Variants in PRUNE2 observed in about 807,000 individuals in gnomAD.
PRUNE2 encodes the protein prune homolog 2 with BCH domain.
In PRUNE2, 164 loss-of-function variants were observed where a neutral mutation model predicts 252.0. The ratio of observed to expected loss-of-function variants is 0.65; its 90% CI spans 0.57 to 0.74. The LOEUF is 0.74. Ranked by LOEUF, PRUNE2 falls within the 30% of genes least tolerant of loss-of-function variation. The pLI is 0.00. For missense variants in PRUNE2, 3,495 were observed against 3,711.0 expected, an observed-to-expected ratio of 0.94 and a Z score of 1.51; for synonymous variants, 1,292 against 1,350.2, an observed-to-expected ratio of 0.96 and a Z score of 0.94.
At chr9:76,644,050 G>A (rs1213905453) in intron 12 of PRUNE2, among the ~76,000 whole-genome samples, 1 of 152,128 alleles carries the variant, frequency 6.6e-6, no homozygotes, top group Non-Finnish European at 1.5e-5. Flanking sequence ...AGTTGACAAT[G>A]TTAAATGTGT....
chr9:76,678,858 AAT>A (rs1224397982), intron 9 of PRUNE2, among the ~76,000 whole-genome samples: 1 of 152,124 alleles, frequency 6.6e-6, no homozygotes, highest in Non-Finnish European at 1.5e-5. Flanking sequence ...AAAATAAATA[AAT>A]AAAGTCCTTC....
At chr9:76,752,787 C>T (rs556004732) in intron 6 of PRUNE2, among the ~76,000 whole-genome samples, 5 of 152,218 alleles carry the variant, frequency 3.3e-5, no homozygotes, top group South Asian at 4.2e-4. Flanking sequence ...AGCAAGACTA[C>T]GTGCTTTAAA....
chr9:76,754,278 G>A (rs1589031345), intron 6 of PRUNE2, among the ~76,000 whole-genome samples: 1 of 152,248 alleles, frequency 6.6e-6, no homozygotes, highest in South Asian at 2.1e-4. Context: ...TGGGGGTGGG[G>A]TGGGGAAGCA....
chr9:76,615,999 A>C (rs1185456914), intron 18 of PRUNE2, among the ~76,000 whole-genome samples: 2 of 151,256 alleles, frequency 1.3e-5, no homozygotes, highest in African/African-American at 4.9e-5. Context: ...CGATCTCTTG[A>C]CCTCGTGATC....
chr9:76,839,934 G>A (rs186256682), intron 4 of PRUNE2, among the ~76,000 whole-genome samples: 2 of 152,288 alleles, frequency 1.3e-5, no homozygotes, highest in Non-Finnish European at 2.9e-5. Flanking sequence ...CTGAAATGAA[G>A]AAATTGGAAT....
intron 9 of PRUNE2, among the ~76,000 whole-genome samples, chr9:76,698,836 A>G (rs2045629712): frequency 6.6e-6 from 1 of 152,210 alleles, no homozygotes; most frequent in Admixed American, 6.5e-5. Context: ...ACTAATTTAA[A>G]AAGAAAAGAT....
intron 9 of PRUNE2, chr9:76,687,547 G>T: frequency 3.9e-6 from 1 of 253,198 alleles, no homozygotes. Flanking sequence ...ACCATATCAA[G>T]ATTGTTCTAG....
intron 9 of PRUNE2, among the ~76,000 whole-genome samples, chr9:76,700,809 T>A (rs1446593302): frequency 6.6e-6 from 1 of 152,054 alleles, no homozygotes; most frequent in African/African-American, 2.4e-5. Context: ...AACAGATATC[T>A]CTCCTCTTAT....
rs767607795 is a variant in PRUNE2 at position 76,709,394 on chromosome 9, A to G, written c.2880T>C (p.Pro960=). The change falls in exon 8 of 19, where the codon CCT becomes CCC. Residue 960 remains proline, a synonymous_variant. Coordinates refer to ENST00000376718, the MANE Select transcript of PRUNE2 (RefSeq NM_015225.3). ...TGGAATAATTGGTATCTAAGGGGGA[A>G]GGCACCGAATCTTCTCCTAGGTTGG... is the stretch of plus-strand genomic sequence containing the variant. ...SASNLGEDSV[P]SPLDTNYSTS... 1 of 1,614,036 alleles carries G rather than the reference A, an allele frequency of 6.2e-7. No individual in the cohort carries two copies. Among genetic ancestry groups the G allele is most frequent in the East Asian group, 2.2e-5 (1 of 44,894 alleles).
At chr9:76,671,595 T>G (rs2041487298) in intron 9 of PRUNE2, among the ~76,000 whole-genome samples, 1 of 151,894 alleles carries the variant, frequency 6.6e-6, no homozygotes, top group South Asian at 2.1e-4. Flanking sequence ...CCAAGACACA[T>G]AATTGTCAGA....
chr9:76,619,151 A>T (rs1830998818), intron 18 of PRUNE2, among the ~76,000 whole-genome samples, 189 bp downstream of exon 18: 1 of 152,216 alleles, frequency 6.6e-6, no homozygotes, highest in Non-Finnish European at 1.5e-5. Flanking sequence ...TAGAAATTTA[A>T]GGGGTGATCG....
rs886274315 is a variant in PRUNE2, at chr9:76,805,073, A to C, written c.756+18559T>G. Reference sequence around the variant, plus strand: ...TGATCTTGTGGGACATCTGAGTCTCAGCCCCCAAAGTTCTCACTTCTGACA... The same window carrying C: ...TGATCTTGTGGGACATCTGAGTCTCCGCCCCCAAAGTTCTCACTTCTGACA... On this transcript the variant is annotated intron_variant, in intron 6 of 18. Coordinates refer to ENST00000376718, the MANE Select transcript of PRUNE2 (RefSeq NM_015225.3). Among the ~76,000 whole-genome samples, 33 of 152,158 alleles carry C rather than the reference A, an allele frequency of 2.2e-4. 1 individual carries two copies. The highest frequency in any genetic ancestry group is 7.7e-4 in the African/African-American group (32 of 41,438).
chr9:76,769,147 A>G (rs1031500902), intron 6 of PRUNE2, among the ~76,000 whole-genome samples: 5 of 152,148 alleles, frequency 3.3e-5, no homozygotes, highest in Admixed American at 2.6e-4. Flanking sequence ...GTTGGATCTT[A>G]TTGCTTTGCT....
At chr9:76,768,597 G>GTGTGTC (rs1554757169) in intron 6 of PRUNE2, among the ~76,000 whole-genome samples, 2 of 148,516 alleles carry the variant, frequency 1.3e-5, no homozygotes, top group African/African-American at 5.2e-5. Flanking sequence ...GTGTGTGTGT[G>GTGTGTC]TGTGTGTGTG....
chr9:76,878,642 A>AGTGCAGTGGTG (rs2061593927), intron 1 of PRUNE2, among the ~76,000 whole-genome samples: 1 of 152,194 alleles, frequency 6.6e-6, no homozygotes, highest in Non-Finnish European at 1.5e-5. Context: ...ATCTGCAAGG[A>AGTGCAGTGGTG]CAAGGTATTC....
chr9:76,770,325 T>C (rs1290986543), intron 6 of PRUNE2, among the ~76,000 whole-genome samples: 1 of 152,198 alleles, frequency 6.6e-6, no homozygotes, highest in African/African-American at 2.4e-5. Context: ...CAAATACTTT[T>C]GGGAATGAGA....
intron 4 of PRUNE2, among the ~76,000 whole-genome samples, chr9:76,838,941 T>C (rs759630784): frequency 2.0e-5 from 3 of 152,204 alleles, no homozygotes; most frequent in Non-Finnish European, 2.9e-5. Flanking sequence ...CAAAGTATTA[T>C]ACTCCACAAG....
chr9:76,722,418 G>C (rs1564152098), intron 6 of PRUNE2, among the ~76,000 whole-genome samples: 1 of 151,968 alleles, frequency 6.6e-6, no homozygotes, highest in Non-Finnish European at 1.5e-5. Flanking sequence ...CATCATAGTA[G>C]TAAAAATTCA....
rs761624793 is a variant in PRUNE2, at chr9:76,710,122, A to G, written c.2152T>C (p.Ser718Pro). Residue 718 changes from serine to proline, a missense_variant, in exon 8 of 19, where the codon TCT (serine) becomes CCT (proline). Coordinates refer to ENST00000376718, the MANE Select transcript of PRUNE2 (RefSeq NM_015225.3). ...LEFTKSGPWESEFGQPELGSN... is the reference protein window; with the variant it reads ...LEFTKSGPWEPEFGQPELGSN... Reference sequence around the variant, plus strand: ...CCCAGTTCAGGCTGACCAAATTCAGACTCCCAGGGACCTGACTTTGTAAAT... The same window carrying G: ...CCCAGTTCAGGCTGACCAAATTCAGGCTCCCAGGGACCTGACTTTGTAAAT... 7 of 1,613,590 alleles carry G rather than the reference A, an allele frequency of 4.3e-6. No homozygotes were observed. In the South Asian group the frequency reaches 7.7e-5, roughly 18 times the overall value.
Sources: gnomAD v4.1 joint callset for allele counts (sites outside exome capture counted in the v4.1 genomes callset) on GRCh38, gnomAD v4.1.1 for gene constraint, MANE v1.5 for transcripts, NCBI Gene and HGNC (gene_info 2026-07-23, HGNC 2026-07-21) for gene names.